Variants in RIMKLB observed in about 807,000 individuals in gnomAD.
RIMKLB encodes the protein beta-citrylglutamate synthase B.
In RIMKLB, 7 loss-of-function variants were observed where a neutral mutation model predicts 32.0. The observed-to-expected ratio is 0.22, with a 90% CI of 0.12 to 0.41. The LOEUF (loss-of-function observed/expected upper bound fraction) is 0.41, where lower values mean the gene tolerates loss of function less well. Among genes scored for constraint, RIMKLB ranks in the 10% least tolerant of loss-of-function variants. The probability of loss-of-function intolerance (pLI) is 1.00; values close to 1 mark genes in which losing one functional copy is unlikely to be tolerated. For synonymous variants in RIMKLB, 172 were observed against 185.1 expected, an observed-to-expected ratio of 0.93 and a Z score of 0.57; for missense variants, 289 against 498.7, an observed-to-expected ratio of 0.58 and a Z score of 4.00.
rs1944562090 is a variant in RIMKLB, at chr12:8,713,682, CAA to C, written c.-56-128_-56-127del. On this transcript the variant is annotated intron_variant, in intron 1 of 5. Coordinates refer to ENST00000535829, the MANE Select transcript of RIMKLB (RefSeq NM_001297776.2). ...AATTTTAGTTTGAATGAAAAGGAAA[CAA>C]TATCTCTACACGTGTTTTTTCCTGT... 16 of 592,396 alleles carry C rather than the reference CAA, an allele frequency of 2.7e-5. 1 individual carries two copies. The South Asian group carries it at 3.1e-4, about 11-fold the overall frequency. The allele number at this position is 592,396 out of a possible 1,614,324, so 36.7% of individuals were successfully genotyped here.
intron 5 of RIMKLB, among the ~76,000 whole-genome samples, chr12:8,765,991 C>A (rs1295627433): frequency 6.6e-6 from 1 of 151,942 alleles, no homozygotes; most frequent in Admixed American, 6.6e-5. Flanking sequence ...GATATCGTGG[C>A]CAGGCAGTAC....
At chr12:8,748,485 T>G (rs1176887018) in intron 2 of RIMKLB, among the ~76,000 whole-genome samples, 1 of 151,224 alleles carries the variant, frequency 6.6e-6, no homozygotes, top group Non-Finnish European at 1.5e-5. Flanking sequence ...ATTGAGGGTT[T>G]TGAAACGTCC....
chr12:8,722,824 C>T (rs1345449999), intron 2 of RIMKLB, among the ~76,000 whole-genome samples: 1 of 152,214 alleles, frequency 6.6e-6, no homozygotes, highest in Non-Finnish European at 1.5e-5. Context: ...ATACAGATGG[C>T]TTCTGTTCCT....
chr12:8,710,398 C>T (rs1944280027), intron 1 of RIMKLB, among the ~76,000 whole-genome samples: 1 of 150,782 alleles, frequency 6.6e-6, no homozygotes, highest in Admixed American at 6.6e-5. Context: ...ACCTCCGCCT[C>T]CTGGGTTCAA....
At chr12:8,690,735 C>A (rs1942708412) in intron 1 of RIMKLB, among the ~76,000 whole-genome samples, 1 of 152,112 alleles carries the variant, frequency 6.6e-6, no homozygotes, top group South Asian at 2.1e-4. Flanking sequence ...CCATCCCAGC[C>A]AACATGGTGA....
chr12:8,711,238 A>G (rs1447239564), intron 1 of RIMKLB, among the ~76,000 whole-genome samples: 2 of 126,970 alleles, frequency 1.6e-5, no homozygotes, highest in African/African-American at 4.4e-5. Flanking sequence ...CATCTCAAGG[A>G]AAAAAAAAAA....
downstream of RIMKLB, among the ~76,000 whole-genome samples, chr12:8,781,052 A>G (rs1951003083): frequency 6.6e-6 from 1 of 152,238 alleles, no homozygotes; most frequent in South Asian, 2.1e-4. Flanking sequence ...TACAAATAAA[A>G]GGTTCTGGCC....
At chr12:8,716,725 CTTTTTT>C (rs71451981) in intron 2 of RIMKLB, among the ~76,000 whole-genome samples, 5 of 95,158 alleles carry the variant, frequency 5.3e-5, no homozygotes, top group Non-Finnish European at 1.0e-4. Flanking sequence ...TCTTTTCCTT[CTTTTTT>C]TTTTTTTTTT....
chr12:8,686,716 T>G (rs1417838488), intron 1 of RIMKLB, among the ~76,000 whole-genome samples: 1 of 151,802 alleles, frequency 6.6e-6, no homozygotes, highest in African/African-American at 2.4e-5. Flanking sequence ...TCTCCTGACC[T>G]CGTAATCCGC....
intron 5 of RIMKLB, among the ~76,000 whole-genome samples, chr12:8,771,304 G>A (rs1950377594): frequency 6.6e-6 from 1 of 152,072 alleles, no homozygotes; most frequent in Non-Finnish European, 1.5e-5. Context: ...CTGGAATGAG[G>A]TCTTATGACC....
downstream of RIMKLB, among the ~76,000 whole-genome samples, chr12:8,778,059 ATAAT>A (rs1191526606): frequency 2.0e-5 from 3 of 152,158 alleles, no homozygotes; most frequent in East Asian, 1.9e-4. Flanking sequence ...ATATATGTCT[ATAAT>A]TAAGTATTTC....
intron 2 of RIMKLB, among the ~76,000 whole-genome samples, chr12:8,732,533 CTCT>C (rs1043743872): frequency 6.6e-5 from 10 of 151,998 alleles, no homozygotes; most frequent in Admixed American, 5.2e-4. Context: ...GTGGTGTTAC[CTCT>C]TCTTTAATAA....
intron 2 of RIMKLB, 27 bp from the exon 3 acceptor site, chr12:8,749,835 T>C: frequency 7.0e-7 from 1 of 1,426,846 alleles, no homozygotes; most frequent in Non-Finnish European, 9.8e-7. Flanking sequence ...CCTCTAATTG[T>C]GTTGGTCTTG....
chr12:8,761,460 G>C (rs547145503), intron 5 of RIMKLB, among the ~76,000 whole-genome samples: 9 of 152,122 alleles, frequency 5.9e-5, no homozygotes, highest in South Asian at 2.1e-4. Context: ...CATAAAATGG[G>C]AGGGGACCCA....
intron 1 of RIMKLB, among the ~76,000 whole-genome samples, chr12:8,682,289 A>C (rs1480421201): frequency 6.6e-6 from 1 of 152,156 alleles, no homozygotes; most frequent in South Asian, 2.1e-4. Flanking sequence ...TTTCTTTCCA[A>C]GGGGTTTACA....
chr12:8,732,756 T>TATATAC (rs1213499853), intron 2 of RIMKLB, among the ~76,000 whole-genome samples: 22 of 150,046 alleles, frequency 1.5e-4, no homozygotes, highest in African/African-American at 5.5e-4. Flanking sequence ...TATATATATA[T>TATATAC]ACACACACAC....
intron 5 of RIMKLB, among the ~76,000 whole-genome samples, chr12:8,766,163 G>C (rs145646227): frequency 0.02 from 3,076 of 152,196 alleles, 100 homozygotes; most frequent in African/African-American, 0.07. Context: ...TTTCTGATGA[G>C]CATTAGTCCT....
upstream of RIMKLB, among the ~76,000 whole-genome samples, chr12:8,694,387 A>ATTTTTTTTTTTTTTT (rs769859426): frequency 5.9e-5 from 7 of 119,090 alleles, no homozygotes; most frequent in African/African-American, 1.9e-4. Flanking sequence ...ATCCTGTTGA[A>ATTTTTTTTTTTTTTT]TTTTTTTTCT....
chr12:8,688,454 A>G (rs951272729), intron 1 of RIMKLB, among the ~76,000 whole-genome samples: 1 of 152,174 alleles, frequency 6.6e-6, no homozygotes, highest in East Asian at 1.9e-4. Flanking sequence ...AAATAATAGA[A>G]ATTATTTTCT....
Sources: allele counts gnomAD v4.1 joint callset (sites outside exome capture counted in the v4.1 genomes callset), GRCh38; gene constraint gnomAD v4.1.1; transcripts MANE v1.5; gene names NCBI Gene and HGNC (gene_info 2026-07-23, HGNC 2026-07-21).